Variants in PHLDB2 observed in about 807,000 individuals in gnomAD.
PHLDB2 encodes the protein pleckstrin homology-like domain family B member 2.
PHLDB2 carries 71 observed loss-of-function variants against 123.6 expected under a neutral mutation model. The observed-to-expected ratio is 0.57, with a 90% CI of 0.47 to 0.70. The LOEUF is 0.70. Among genes scored for constraint, PHLDB2 ranks in the 30% least tolerant of loss-of-function variants. PHLDB2 has a pLI of 0.00. For synonymous variants in PHLDB2, 547 were observed against 541.6 expected (o/e 1.01, Z -0.14); for missense variants, 1,446 against 1,519.5 (o/e 0.95, Z 0.80).
chr3:111,821,644 TA>T (rs1474086858), intron 1 of PHLDB2, among the ~76,000 whole-genome samples: 5 of 152,094 alleles, frequency 3.3e-5, no homozygotes, highest in African/African-American at 4.8e-5. Context: ...ATATTAATCT[TA>T]AAAAAATACC....
At chr3:111,945,137 G>A (rs1208787182) in intron 8 of PHLDB2, 131 bp from the exon 9 acceptor site, 1 of 670,428 alleles carries the variant, frequency 1.5e-6, no homozygotes, top group African/African-American at 1.8e-5. Flanking sequence ...TTTTGACTGA[G>A]TATGATGAGA....
chr3:111,742,273 C>T (rs1406991818), intron 1 of PHLDB2, among the ~76,000 whole-genome samples: 2 of 152,078 alleles, frequency 1.3e-5, no homozygotes, highest in Non-Finnish European at 2.9e-5. Flanking sequence ...GTCATAATAG[C>T]ATGTTAGAAT....
chr3:111,932,506 G>A, intron 6 of PHLDB2, 109 bp downstream of exon 6: 1 of 1,162,220 alleles, frequency 8.6e-7, no homozygotes, highest in South Asian at 1.7e-5. Context: ...GTTTGCATAA[G>A]TTCTAGTCAT....
At chr3:111,868,017 A>T (rs1319471615) in intron 1 of PHLDB2, among the ~76,000 whole-genome samples, 2 of 148,424 alleles carry the variant, frequency 1.3e-5, no homozygotes, top group African/African-American at 5.0e-5. Context: ...TTTAAAAAAA[A>T]ATGACAGGAT....
At chr3:111,780,521 TCTC>T (rs1337496769) in intron 1 of PHLDB2, among the ~76,000 whole-genome samples, 3 of 151,692 alleles carry the variant, frequency 2.0e-5, no homozygotes, top group Admixed American at 6.6e-5. Context: ...CTCTTAGACT[TCTC>T]AGCCTCCAGA....
intron 1 of PHLDB2, among the ~76,000 whole-genome samples, chr3:111,797,831 C>G (rs189787573): frequency 1.3e-5 from 2 of 152,324 alleles, no homozygotes; most frequent in Admixed American, 6.5e-5. Flanking sequence ...ATTGTGATTA[C>G]TCAATTGTAG....
intron 1 of PHLDB2, among the ~76,000 whole-genome samples, chr3:111,753,983 G>A (rs369544707): frequency 1.3e-5 from 2 of 152,030 alleles, no homozygotes; most frequent in Admixed American, 1.3e-4. Context: ...TATTTCTGAG[G>A]GCTCTGTTTT....
intron 1 of PHLDB2, among the ~76,000 whole-genome samples, chr3:111,832,457 C>T (rs983424457): frequency 2.6e-5 from 4 of 151,122 alleles, no homozygotes; most frequent in African/African-American, 7.3e-5. Flanking sequence ...TCCATTCCCA[C>T]ATCCTTCCAT....
chr3:111,872,263 A>T (rs16858764), intron 1 of PHLDB2, among the ~76,000 whole-genome samples: 1 of 152,206 alleles, frequency 6.6e-6, no homozygotes, highest in Non-Finnish European at 1.5e-5. Flanking sequence ...TGCAGGGATC[A>T]TATAGTTTCA....
chr3:111,936,869 A>G (rs989638380), intron 6 of PHLDB2, among the ~76,000 whole-genome samples: 2 of 152,218 alleles, frequency 1.3e-5, no homozygotes, highest in Admixed American at 6.5e-5. Context: ...ACTTGAGTGT[A>G]TGTGCTTATT....
intron 11 of PHLDB2, among the ~76,000 whole-genome samples, chr3:111,953,252 C>T (rs1439825490): frequency 1.3e-5 from 2 of 152,084 alleles, no homozygotes; most frequent in Non-Finnish European, 2.9e-5. Flanking sequence ...TGAACCTATG[C>T]GACCTGATGC....
intron 5 of PHLDB2, among the ~76,000 whole-genome samples, chr3:111,929,265 T>A (rs1012242776): frequency 6.6e-6 from 1 of 152,206 alleles, no homozygotes; most frequent in African/African-American, 2.4e-5. Flanking sequence ...GACACTATTT[T>A]AAAAATTTTT....
chr3:111,885,758 G>A (rs557044836), intron 2 of PHLDB2: 13 of 599,516 alleles, frequency 2.2e-5, no homozygotes, highest in Non-Finnish European at 3.8e-5. Context: ...ATGCTGACTT[G>A]TATTATTTAT....
At position 111,932,129 on chromosome 3, in the gene PHLDB2, T is replaced by C. The variant is rs78315764; in HGVS notation, c.2002-140T>C. 4,520 of 929,650 alleles carry C rather than the reference T, an allele frequency of 4.9e-3. 122 individuals are homozygous for C. In the African/African-American group the frequency reaches 0.068, roughly 14 times the overall value. 57.6% of individuals were successfully genotyped at this position (929,650 alleles called of 1,614,324 possible). On this transcript the variant is annotated intron_variant, in intron 5 of 17. Coordinates refer to ENST00000431670, the MANE Select transcript of PHLDB2 (RefSeq NM_001134438.2). Reference sequence around the variant, plus strand: ...ACTTATATCCCTTTATCCTAGCCACTAACAAGATACGTTTCTACATTCATA... The same window carrying C: ...ACTTATATCCCTTTATCCTAGCCACCAACAAGATACGTTTCTACATTCATA...
intron 1 of PHLDB2, among the ~76,000 whole-genome samples, chr3:111,777,201 C>G (rs2060282271): frequency 6.6e-6 from 1 of 151,892 alleles, no homozygotes; most frequent in Non-Finnish European, 1.5e-5. Flanking sequence ...AAGGACCAAG[C>G]AAAATATATT....
At chr3:111,851,478 G>A (rs1368434318) in intron 2 of PHLDB2, among the ~76,000 whole-genome samples, 1 of 152,206 alleles carries the variant, frequency 6.6e-6, no homozygotes, top group African/African-American at 2.4e-5. Flanking sequence ...GCAGTCAGGA[G>A]TGGATGGAGA....
At chr3:111,747,422 C>CA (rs2059698274) in intron 1 of PHLDB2, among the ~76,000 whole-genome samples, 2 of 151,684 alleles carry the variant, frequency 1.3e-5, no homozygotes, top group Non-Finnish European at 2.9e-5. Context: ...AATATATTTA[C>CA]AAAAATATTT....
intron 1 of PHLDB2, among the ~76,000 whole-genome samples, chr3:111,869,948 G>A (rs2065260084): frequency 6.6e-6 from 1 of 152,226 alleles, no homozygotes; most frequent in Non-Finnish European, 1.5e-5. Context: ...AGGTCTTTGA[G>A]TGACAAAGAA....
chr3:111,830,599 G>A (rs1443098142), intron 1 of PHLDB2, among the ~76,000 whole-genome samples: 6 of 148,108 alleles, frequency 4.1e-5, no homozygotes, highest in Admixed American at 1.4e-4. Flanking sequence ...CACGAGGTCA[G>A]GAGATCGAGA....
Sources: allele counts gnomAD v4.1 joint callset (sites outside exome capture counted in the v4.1 genomes callset), GRCh38; gene constraint gnomAD v4.1.1; transcripts MANE v1.5; gene names NCBI Gene and HGNC (gene_info 2026-07-23, HGNC 2026-07-21).